The following UBE2E2 variants were observed in gnomAD, a reference collection of about 807,000 sequenced individuals.
UBE2E2 encodes ubiquitin-conjugating enzyme E2 E2.
In UBE2E2, 6 loss-of-function variants were observed where a neutral mutation model predicts 24.7. The ratio of observed to expected loss-of-function variants is 0.24; its 90% CI spans 0.13 to 0.48. UBE2E2 has a LOEUF of 0.48. Among genes scored for constraint, UBE2E2 ranks in the 20% least tolerant of loss-of-function variants. The probability of loss-of-function intolerance (pLI) is 0.99; values close to 1 mark genes in which losing one functional copy is unlikely to be tolerated. For missense variants in UBE2E2, 169 were observed against 245.0 expected, an observed-to-expected ratio of 0.69 and a Z score of 2.07; for synonymous variants, 104 against 83.6, an observed-to-expected ratio of 1.24 and a Z score of -1.33.
At chr3:23,349,566 G>A (rs561579062) in intron 3 of UBE2E2, among the ~76,000 whole-genome samples, 8 of 152,296 alleles carry the variant, frequency 5.3e-5, no homozygotes, top group East Asian at 1.9e-4. Flanking sequence ...AAAAAACGGC[G>A]CACCAGGAGA....
intron 4 of UBE2E2, among the ~76,000 whole-genome samples, chr3:23,508,029 G>C (rs1185194444): frequency 6.6e-6 from 1 of 152,180 alleles, no homozygotes; most frequent in African/African-American, 2.4e-5. Context: ...CATTTAACTA[G>C]TGTCAGAATG....
Position 23,590,605 on chromosome 3 carries a change from T to A in UBE2E2, c.*774T>A, listed in dbSNP as rs927051380. The A allele has an allele frequency of 3.3e-5, 5 of 152,652 alleles. No individual in the cohort carries two copies. In the East Asian group the frequency reaches 9.6e-4, roughly 29 times the overall value. 9.5% of individuals were successfully genotyped at this position (152,652 alleles called of 1,614,324 possible). ...ACTTCTGGTAACCCGACATTTGCTT[T>A]GTGTCCTGGTGACCGCTGTAGCCCT... On this transcript the variant is annotated 3_prime_UTR_variant, in exon 6 of 6. Coordinates refer to ENST00000396703, the MANE Select transcript of UBE2E2 (RefSeq NM_152653.4).
At chr3:23,291,972 C>T (rs1698779649) in intron 3 of UBE2E2, among the ~76,000 whole-genome samples, 2 of 150,642 alleles carry the variant, frequency 1.3e-5, no homozygotes, top group South Asian at 2.1e-4. Flanking sequence ...CATTCTCCTG[C>T]CTCAGCCTCC....
In UBE2E2 at chr3:23,556,454, T is replaced by TAAAAA. The variant is rs5847239; in HGVS notation, c.508+23767_508+23771dup. Among the ~76,000 whole-genome samples the TAAAAA allele has an allele frequency of 4.9e-4, 46 of 94,328 alleles. 1 individual carries two copies. The East Asian group carries it at 6.1e-3, about 12-fold the overall frequency. The allele number at this position is 94,328 out of a possible 152,430, so 61.9% of individuals were successfully genotyped here. On this transcript the variant is annotated intron_variant, in intron 5 of 5. Coordinates refer to ENST00000396703, the MANE Select transcript of UBE2E2 (RefSeq NM_152653.4). ...CCATGCCCAGCCAATAAAATTTATT[T>TAAAAA]AAAAAAAAAAAAAAAAAAGCTATAC... is the stretch of plus-strand genomic sequence containing the variant.
intron 3 of UBE2E2, among the ~76,000 whole-genome samples, chr3:23,492,917 A>G (rs1699529847): frequency 6.6e-6 from 1 of 152,122 alleles, no homozygotes; most frequent in Non-Finnish European, 1.5e-5. Context: ...ATACATTTTT[A>G]GCCCACCATT....
chr3:23,204,968 T>C (rs879822484), intron 1 of UBE2E2, among the ~76,000 whole-genome samples: 1 of 152,190 alleles, frequency 6.6e-6, no homozygotes, highest in Non-Finnish European at 1.5e-5. Context: ...GGAATGACTA[T>C]AGTTGCCTTT....
intron 3 of UBE2E2, among the ~76,000 whole-genome samples, chr3:23,348,997 C>T (rs12630883): frequency 6.6e-6 from 1 of 151,980 alleles, no homozygotes; most frequent in African/African-American, 2.4e-5. Flanking sequence ...ACCACCCCCC[C>T]ACCACCTCCC....
intron 3 of UBE2E2, among the ~76,000 whole-genome samples, chr3:23,303,646 G>C (rs937030578): frequency 2.0e-5 from 3 of 152,164 alleles, no homozygotes; most frequent in African/African-American, 7.2e-5. Flanking sequence ...CGTTATGCAT[G>C]AGTGAGGGGT....
Position 23,407,323 on chromosome 3 carries a change from T to C in UBE2E2, c.228-92285T>C, listed in dbSNP as rs1697382374. The stretch of plus-strand genomic sequence containing the variant: ...CTGGTATAAACAGCCCTAGTCTAGC[T>C]GCTACACAGCTGCTTAGTTCTGGTT... On this transcript the variant is annotated intron_variant, in intron 3 of 5. Coordinates refer to ENST00000396703, the MANE Select transcript of UBE2E2 (RefSeq NM_152653.4). This position sits in a 1 kb window ranked among gnomAD's most constrained non-coding sequence, Gnocchi z 4.0. Among the ~76,000 whole-genome samples, 1 of 152,154 alleles carries C rather than the reference T, an allele frequency of 6.6e-6. No individual in the cohort carries two copies. The highest frequency in any genetic ancestry group is 2.1e-4 in the South Asian group (1 of 4,830).
intron 4 of UBE2E2, among the ~76,000 whole-genome samples, chr3:23,505,072 A>ATTTTTGTTTTTT (rs1268843889): frequency 1.0e-5 from 1 of 99,498 alleles, no homozygotes; most frequent in Non-Finnish European, 2.0e-5. Flanking sequence ...CACCTGGCTA[A>ATTTTTGTTTTTT]TTTTTGTTTT....
At chr3:23,493,524 T>G (rs889832327) in intron 3 of UBE2E2, among the ~76,000 whole-genome samples, 5 of 152,180 alleles carry the variant, frequency 3.3e-5, no homozygotes, top group East Asian at 3.9e-4. Flanking sequence ...AAGCTTTAGG[T>G]TTTTTTTCTT....
intron 3 of UBE2E2, among the ~76,000 whole-genome samples, chr3:23,295,665 G>A (rs1029313521): frequency 3.7e-4 from 57 of 152,174 alleles, no homozygotes; most frequent in Admixed American, 2.6e-4. Flanking sequence ...TACACGAGAG[G>A]GAGTTTGGAG....
chr3:23,290,503 A>G (rs1000345165), intron 3 of UBE2E2, among the ~76,000 whole-genome samples: 11 of 151,338 alleles, frequency 7.3e-5, no homozygotes, highest in African/African-American at 2.7e-4. Flanking sequence ...TATTTTTTTG[A>G]ACTAGGGGCT....
chr3:23,509,685 G>A (rs1003008843), intron 4 of UBE2E2, among the ~76,000 whole-genome samples: 6 of 151,540 alleles, frequency 4.0e-5, no homozygotes, highest in Admixed American at 6.6e-5. Flanking sequence ...CCGTTAACTC[G>A]TCCTTTACAT....
chr3:23,393,286 C>T (rs1255982267), intron 3 of UBE2E2, among the ~76,000 whole-genome samples: 1 of 151,732 alleles, frequency 6.6e-6, no homozygotes, highest in African/African-American at 2.4e-5. Context: ...GTGAAGACTC[C>T]CAAAAGTATC....
chr3:23,497,541 G>A (rs1211398734), intron 3 of UBE2E2, among the ~76,000 whole-genome samples: 1 of 152,136 alleles, frequency 6.6e-6, no homozygotes, highest in Non-Finnish European at 1.5e-5. Flanking sequence ...CTCTATGTTT[G>A]TGTTTGCTTA....
intron 5 of UBE2E2, among the ~76,000 whole-genome samples, chr3:23,584,965 T>G (rs911675411): frequency 3.3e-5 from 5 of 151,366 alleles, no homozygotes; most frequent in African/African-American, 1.2e-4. Flanking sequence ...GAGACAGAGG[T>G]GAGATAGAGG....
chr3:23,459,502 T>A (rs1297744187), intron 3 of UBE2E2, among the ~76,000 whole-genome samples: 1 of 152,196 alleles, frequency 6.6e-6, no homozygotes, highest in East Asian at 1.9e-4. Flanking sequence ...AACAGGACCA[T>A]AATGTTTTTA....
intron 3 of UBE2E2, among the ~76,000 whole-genome samples, chr3:23,226,413 T>A (rs945599867): frequency 6.6e-6 from 1 of 152,128 alleles, no homozygotes; most frequent in African/African-American, 2.4e-5. Flanking sequence ...TTTGAAGGAT[T>A]TCTGTATGTG....
Sources: allele counts gnomAD v4.1 joint callset (sites outside exome capture counted in the v4.1 genomes callset), GRCh38; gene constraint gnomAD v4.1.1; non-coding constraint Gnocchi (gnomAD v3.1); transcripts MANE v1.5; gene names NCBI Gene and HGNC (gene_info 2026-07-23, HGNC 2026-07-21).